DISC1: variants seen among roughly 807,000 people sequenced by gnomAD.
DISC1 encodes DISC1 scaffold protein.
DISC1 carries 57 observed loss-of-function variants against 84.5 expected under a neutral mutation model. The observed-to-expected ratio is 0.67, with a 90% CI of 0.55 to 0.84. The LOEUF is 0.84. DISC1 is among the 40% of genes least tolerant of loss of function. DISC1 has a pLI of 0.00. For synonymous variants in DISC1, 411 were observed against 415.2 expected, an observed-to-expected ratio of 0.99 and a Z score of 0.12; for missense variants, 1,000 against 1,057.8, an observed-to-expected ratio of 0.95 and a Z score of 0.76.
rs1278645088 is a variant in DISC1 at position 231,930,574 on chromosome 1, T to C, written c.1982-28254T>C. Among the ~76,000 whole-genome samples the C allele has an allele frequency of 2.6e-5, 4 of 152,168 alleles. No homozygotes were observed. In the East Asian group the frequency reaches 5.8e-4, roughly 22 times the overall value. ...ATTCAAGCCAGGCAGTGGGAGCCTC[T>C]GGAGCAGCCCTCCAAACCTCTACCC... On this transcript the variant is annotated intron_variant, in intron 9 of 12. Transcript: ENST00000439617.
At chr1:231,658,379 C>T (rs1360927944) in intron 1 of DISC1, among the ~76,000 whole-genome samples, 1 of 152,158 alleles carries the variant, frequency 6.6e-6, no homozygotes, top group African/African-American at 2.4e-5. Context: ...AGCTTTTGGG[C>T]TGAGATGATG....
At chr1:231,893,657 T>C (rs1031680626) in intron 9 of DISC1, among the ~76,000 whole-genome samples, 1 of 152,124 alleles carries the variant, frequency 6.6e-6, no homozygotes, top group Non-Finnish European at 1.5e-5. Flanking sequence ...ATTCTCATGG[T>C]AGACTGGAGG....
intron 9 of DISC1, among the ~76,000 whole-genome samples, chr1:231,895,829 C>T (rs1025014376): frequency 2.6e-5 from 4 of 152,178 alleles, no homozygotes; most frequent in Admixed American, 6.5e-5. Context: ...GCCTCAGAAC[C>T]GGTTTTCGCC....
At chr1:231,905,681 G>A (rs191014962) in intron 9 of DISC1, among the ~76,000 whole-genome samples, 110 of 152,162 alleles carry the variant, frequency 7.2e-4, no homozygotes, top group African/African-American at 2.6e-3. Flanking sequence ...GCGACTAAGA[G>A]ACATGGGAAC....
intron 11 of DISC1, among the ~76,000 whole-genome samples, chr1:232,014,426 G>A (rs1305680798): frequency 3.9e-5 from 6 of 152,276 alleles, no homozygotes; most frequent in African/African-American, 1.2e-4. Context: ...AAAGAGCTAG[G>A]ACATGAAGAA....
chr1:231,980,507 T>G (rs1663440875), intron 10 of DISC1, among the ~76,000 whole-genome samples: 1 of 152,220 alleles, frequency 6.6e-6, no homozygotes. Flanking sequence ...CATAATTAAT[T>G]GTATGCACTG....
At position 231,800,179 on chromosome 1, in the gene DISC1, C is replaced by T. The variant is rs1391051983; in HGVS notation, c.1761C>T (p.Ala587=). ...ACGATATTGAAACCCAACTACCAGC[C>T]TTGCTTGAAGCCAAAATGCATGCCA... ...KVNDIETQLP[A]LLEAKMHAIS... Residue 587 remains alanine (A), a synonymous_variant, in exon 8 of 13, where the codon GCC becomes GCT. Transcript: ENST00000439617. 23 of 1,611,966 alleles carry T rather than the reference C, an allele frequency of 1.4e-5. No homozygotes were observed. Among genetic ancestry groups the T allele is most frequent in the Non-Finnish European group, 1.7e-5 (20 of 1,179,740 alleles).
At chr1:231,852,511 ACAGT>A (rs953942423) in intron 9 of DISC1, among the ~76,000 whole-genome samples, 14 of 152,252 alleles carry the variant, frequency 9.2e-5, no homozygotes, top group African/African-American at 3.4e-4. Flanking sequence ...AACCCAAGAG[ACAGT>A]CAGGATCATT....
chr1:231,705,726 CAT>C (rs1028937107), intron 3 of DISC1, among the ~76,000 whole-genome samples: 3 of 152,152 alleles, frequency 2.0e-5, no homozygotes, highest in Non-Finnish European at 4.4e-5. Context: ...TTTCTTCTCT[CAT>C]ATAGTTTATT....
intron 9 of DISC1, chr1:231,818,807 A>C: frequency 8.2e-7 from 1 of 1,222,712 alleles, no homozygotes; most frequent in Non-Finnish European, 1.0e-6. Context: ...CTCCCTTGGC[A>C]AGGTCTTGAG....
intron 3 of DISC1, chr1:231,702,444 G>A: frequency 4.0e-6 from 4 of 988,634 alleles, no homozygotes; most frequent in Non-Finnish European, 4.8e-6. Flanking sequence ...GTAAACTTAA[G>A]CCTTCATGGG....
chr1:231,763,639 A>G (rs905811937), intron 4 of DISC1, among the ~76,000 whole-genome samples: 1 of 152,202 alleles, frequency 6.6e-6, no homozygotes, highest in African/African-American at 2.4e-5. Context: ...TCATTGCACC[A>G]TGGTTGGTTG....
In DISC1 at chr1:232,037,775, C is replaced by T. The variant is rs11578905; in HGVS notation, c.*944C>T. 0.24 allele frequency: 35,487 copies of T among 150,636 alleles called. 4,318 individuals carry two copies. The highest frequency in any genetic ancestry group is 0.26 in the Middle Eastern group (73 of 276). The allele number at this position is 150,636 out of a possible 1,614,324, so 9.3% of individuals were successfully genotyped here. A position where few individuals can be genotyped will look rare whatever the true frequency, so the allele number is the denominator to read the frequency against. The stretch of plus-strand genomic sequence containing the variant: ...TCAGTAACAGTGTAGTACTCAGTAA[C>T]AGTGAAGTACTCAGTAATACAGTAC... On this transcript the variant is annotated 3_prime_UTR_variant, in exon 13 of 13. Transcript: ENST00000439617.
At chr1:231,727,717 T>G (rs2070929187) in intron 3 of DISC1, among the ~76,000 whole-genome samples, 1 of 152,204 alleles carries the variant, frequency 6.6e-6, no homozygotes, top group South Asian at 2.1e-4. Flanking sequence ...CTCACCATTT[T>G]ACAATAATCT....
chr1:231,744,311 A>G (rs1230330483), intron 3 of DISC1, among the ~76,000 whole-genome samples: 1 of 152,190 alleles, frequency 6.6e-6, no homozygotes, highest in Non-Finnish European at 1.5e-5. Flanking sequence ...TCAAGGTCTT[A>G]GTGCACTAGC....
chr1:232,017,145 A>G (rs1219198455), intron 11 of DISC1, among the ~76,000 whole-genome samples: 1 of 152,232 alleles, frequency 6.6e-6, no homozygotes, highest in Non-Finnish European at 1.5e-5. Context: ...CCTGAAATGT[A>G]TTTACCAAGC....
intron 9 of DISC1, among the ~76,000 whole-genome samples, chr1:231,919,725 A>G (rs965439436): frequency 6.6e-6 from 1 of 152,210 alleles, no homozygotes; most frequent in Non-Finnish European, 1.5e-5. Flanking sequence ...TGTAATAGCT[A>G]TTGTGGTCTC....
intron 8 of DISC1, among the ~76,000 whole-genome samples, chr1:231,814,323 T>C (rs556684271): frequency 1.3e-5 from 2 of 152,298 alleles, no homozygotes; most frequent in African/African-American, 4.8e-5. Flanking sequence ...TGAATTTCAG[T>C]GAACATAAAA....
chr1:231,809,401 A>T (rs1558583198), intron 8 of DISC1, among the ~76,000 whole-genome samples: 2 of 148,580 alleles, frequency 1.3e-5, no homozygotes, highest in African/African-American at 4.9e-5. Flanking sequence ...GTTTGGATAT[A>T]TTTTTTTTTT....
Sources: gnomAD v4.1 joint callset for allele counts (sites outside exome capture counted in the v4.1 genomes callset) on GRCh38, gnomAD v4.1.1 for gene constraint, MANE v1.5 for transcripts, NCBI Gene and HGNC (gene_info 2026-07-23, HGNC 2026-07-21) for gene names.